TPRG1: variants seen among roughly 807,000 people sequenced by gnomAD.
The protein encoded by TPRG1 is tumor protein p63 regulated 1.
In TPRG1, 29 loss-of-function variants were observed where a neutral mutation model predicts 29.3. The observed-to-expected ratio is 0.99, with a 90% CI of 0.74 to 1.35. The LOEUF (loss-of-function observed/expected upper bound fraction) is 1.35, where lower values mean the gene tolerates loss of function less well. Ranked by LOEUF, TPRG1 falls within the 40% of genes most tolerant of loss-of-function variation. The pLI is 0.00. For missense variants in TPRG1, 327 were observed against 335.0 expected (o/e 0.98, Z 0.19); for synonymous variants, 130 against 116.8 (o/e 1.11, Z -0.73).
At chr3:189,031,114 C>G (rs762971193) in intron 4 of TPRG1, among the ~76,000 whole-genome samples, 2 of 152,096 alleles carry the variant, frequency 1.3e-5, no homozygotes, top group Non-Finnish European at 2.9e-5. Flanking sequence ...AACCCCGTCT[C>G]TACTAAAAAT....
At chr3:189,073,441 C>T (rs1342135272) in intron 4 of TPRG1, among the ~76,000 whole-genome samples, 4 of 152,046 alleles carry the variant, frequency 2.6e-5, no homozygotes, top group South Asian at 2.1e-4. Flanking sequence ...TTCTTTTTTT[C>T]GCCCCTTTGG....
intron 4 of TPRG1, among the ~76,000 whole-genome samples, chr3:189,288,230 A>G (rs1328441053): frequency 2.0e-5 from 3 of 152,136 alleles, no homozygotes; most frequent in Admixed American, 6.5e-5. Context: ...TAAAAAATGA[A>G]TAACATTGTA....
At chr3:189,211,106 A>T (rs911384615) in intron 2 of TPRG1, among the ~76,000 whole-genome samples, 3 of 152,306 alleles carry the variant, frequency 2.0e-5, no homozygotes, top group Admixed American at 6.5e-5. Flanking sequence ...TCTTTTACTT[A>T]TATATACACA....
chr3:189,235,460 G>A (rs1338480505), intron 3 of TPRG1, among the ~76,000 whole-genome samples: 1 of 152,104 alleles, frequency 6.6e-6, no homozygotes, highest in Non-Finnish European at 1.5e-5. Context: ...GTAGGACTAG[G>A]CATGGAATGT....
intron 1 of TPRG1, among the ~76,000 whole-genome samples, chr3:189,177,373 T>TA (rs1029159761): frequency 2.6e-5 from 4 of 151,780 alleles, no homozygotes; most frequent in Non-Finnish European, 5.9e-5. Flanking sequence ...GAGCCGAAGA[T>TA]AAAAAATGGG....
intron 3 of TPRG1, among the ~76,000 whole-genome samples, chr3:189,022,145 C>G (rs545800527): frequency 1.3e-5 from 2 of 152,222 alleles, no homozygotes; most frequent in East Asian, 3.9e-4. Flanking sequence ...AAATTTTTTT[C>G]AAAGTTTTCA....
chr3:189,199,240 G>A (rs951361620), intron 1 of TPRG1, among the ~76,000 whole-genome samples: 3 of 152,154 alleles, frequency 2.0e-5, no homozygotes, highest in Admixed American at 6.5e-5. Context: ...TACAGCTTTT[G>A]AATCACAAGA....
At chr3:189,174,641 C>T (rs1438135075) in intron 1 of TPRG1, among the ~76,000 whole-genome samples, 1 of 152,192 alleles carries the variant, frequency 6.6e-6, no homozygotes, top group Non-Finnish European at 1.5e-5. Flanking sequence ...TAACCTCTCA[C>T]TATGTAAGAG....
At chr3:189,268,898 T>C (rs1463206841) in intron 4 of TPRG1, among the ~76,000 whole-genome samples, 3 of 152,204 alleles carry the variant, frequency 2.0e-5, no homozygotes, top group Non-Finnish European at 4.4e-5. Context: ...GTGCTCTTTG[T>C]TCTCGCTACT....
intron 3 of TPRG1, among the ~76,000 whole-genome samples, chr3:189,139,283 A>T (rs1020825285): frequency 6.6e-6 from 1 of 152,208 alleles, no homozygotes; most frequent in Non-Finnish European, 1.5e-5. Flanking sequence ...TGCTCTTTGC[A>T]GTTTCACAGA....
At chr3:189,288,987 T>C (rs1718539135) in intron 4 of TPRG1, among the ~76,000 whole-genome samples, 1 of 152,226 alleles carries the variant, frequency 6.6e-6, no homozygotes, top group African/African-American at 2.4e-5. Flanking sequence ...TATAATCATG[T>C]GTCACTCACC....
At chr3:189,051,517 T>G (rs1284886448) in intron 4 of TPRG1, among the ~76,000 whole-genome samples, 1 of 152,148 alleles carries the variant, frequency 6.6e-6, no homozygotes, top group Non-Finnish European at 1.5e-5. Context: ...ATGACCATAC[T>G]GCCAAAAGCA....
chr3:189,083,995 T>C (rs896764112), intron 4 of TPRG1, among the ~76,000 whole-genome samples: 1 of 151,826 alleles, frequency 6.6e-6, no homozygotes, highest in African/African-American at 2.4e-5. Flanking sequence ...CTGGCTAATG[T>C]GGTGAAACGG....
At chr3:189,057,859 C>CGTGT (rs2152142908) in intron 4 of TPRG1, among the ~76,000 whole-genome samples, 1 of 108,498 alleles carries the variant, frequency 9.2e-6, no homozygotes. Flanking sequence ...TATATATACA[C>CGTGT]ACATACGTAT....
intron 1 of TPRG1, among the ~76,000 whole-genome samples, chr3:189,178,325 T>C (rs1369622836): frequency 1.3e-5 from 2 of 152,120 alleles, no homozygotes; most frequent in African/African-American, 4.8e-5. Context: ...GGCCAGGAGT[T>C]CCAGAACAGA....
At chr3:189,154,857 T>A in intron 5 of TPRG1, among the ~76,000 whole-genome samples, 1 of 151,820 alleles carries the variant, frequency 6.6e-6, no homozygotes, top group East Asian at 1.9e-4. Context: ...AAAGAAAAAA[T>A]AAATCAGGAA....
At chr3:189,087,186 A>C (rs1718003732) in intron 4 of TPRG1, among the ~76,000 whole-genome samples, 1 of 152,106 alleles carries the variant, frequency 6.6e-6, no homozygotes. Flanking sequence ...CTGACTTTTT[A>C]ATGATCGCCA....
intron 1 of TPRG1, among the ~76,000 whole-genome samples, chr3:189,104,684 G>A (rs944986675): frequency 9.2e-5 from 14 of 151,718 alleles, no homozygotes; most frequent in African/African-American, 3.4e-4. Flanking sequence ...TGTTTCACGA[G>A]TTAAGCTTTA....
intron 2 of TPRG1, among the ~76,000 whole-genome samples, chr3:189,210,965 G>A (rs1365343407): frequency 6.6e-6 from 1 of 152,124 alleles, no homozygotes; most frequent in Non-Finnish European, 1.5e-5. Flanking sequence ...TAAAATTATT[G>A]CACAGGAGGT....
Sources: allele counts gnomAD v4.1 joint callset (sites outside exome capture counted in the v4.1 genomes callset), GRCh38; gene constraint gnomAD v4.1.1; transcripts MANE v1.5; gene names NCBI Gene and HGNC (gene_info 2026-07-23, HGNC 2026-07-21).